Variants in TBL1X observed in about 807,000 individuals in gnomAD.
TBL1X encodes F-box-like/WD repeat-containing protein TBL1X.
TBL1X carries 10 observed loss-of-function variants against 50.7 expected under a neutral mutation model. The ratio of observed to expected loss-of-function variants is 0.20; its 90% CI spans 0.12 to 0.33. TBL1X has a LOEUF of 0.33. Ranked by LOEUF, TBL1X falls within the 10% of genes least tolerant of loss-of-function variation. TBL1X has a pLI of 1.00. For missense variants in TBL1X, 340 were observed against 504.4 expected, an observed-to-expected ratio of 0.67 and a Z score of 3.12; for synonymous variants, 190 against 214.7, an observed-to-expected ratio of 0.88 and a Z score of 1.01.
chrX:9,623,380 A>T (rs1265069841), intron 2 of TBL1X, among the ~76,000 whole-genome samples: 1 of 111,431 alleles, frequency 9.0e-6, no homozygotes, highest in Non-Finnish European at 1.9e-5. Flanking sequence ...GGGATTTGCT[A>T]TGGCCCTTCG....
At chrX:9,610,936 G>C (rs1238182547) in intron 2 of TBL1X, among the ~76,000 whole-genome samples, 1 of 112,060 alleles carries the variant, frequency 8.9e-6, no homozygotes, top group Non-Finnish European at 1.9e-5. Context: ...CTAGGTAGGA[G>C]TTGAGCCAAG....
chrX:9,488,694 T>G (rs896103463), intron 1 of TBL1X, among the ~76,000 whole-genome samples: 6 of 112,104 alleles, frequency 5.4e-5, no homozygotes, highest in Non-Finnish European at 1.1e-4. Context: ...AGGACAGACT[T>G]ACTTCCTTTG....
intron 5 of TBL1X, among the ~76,000 whole-genome samples, chrX:9,665,846 G>T (rs1281134899): frequency 9.1e-6 from 1 of 109,330 alleles, no homozygotes; most frequent in Non-Finnish European, 1.9e-5. Context: ...ACTTTGGGAG[G>T]TATCAGAAAT....
intron 1 of TBL1X, among the ~76,000 whole-genome samples, chrX:9,476,139 C>T (rs187258827): frequency 8.9e-6 from 1 of 112,080 alleles, no homozygotes; most frequent in Non-Finnish European, 1.9e-5. Flanking sequence ...AGAGGAGAAA[C>T]AGGAAGTAGA....
intron 2 of TBL1X, among the ~76,000 whole-genome samples, chrX:9,561,227 G>A (rs1193401708): frequency 8.9e-6 from 1 of 111,791 alleles, no homozygotes; most frequent in Non-Finnish European, 1.9e-5. Flanking sequence ...CATTATGAAG[G>A]CACCCATTTC....
At chrX:9,471,672 T>G (rs2081815768) in intron 1 of TBL1X, among the ~76,000 whole-genome samples, 1 of 111,629 alleles carries the variant, frequency 9.0e-6, no homozygotes, top group Non-Finnish European at 1.9e-5. Context: ...TCTGAGTGAT[T>G]CCGGGGAGTG....
At chrX:9,703,704 G>T (rs1274561311) in intron 12 of TBL1X, among the ~76,000 whole-genome samples, 1 of 112,127 alleles carries the variant, frequency 8.9e-6, no homozygotes, top group Non-Finnish European at 1.9e-5. Flanking sequence ...TCCCTGTCCC[G>T]GGCACTGCTG....
In TBL1X at chrX:9,605,729, A is replaced by G. The variant is rs771936130; in HGVS notation, c.-130-34544A>G. The stretch of plus-strand genomic sequence containing the variant: ...CCAGTAGACTAAGATTTTACTAAAA[A>G]CAGACTAATTTGTTGTGGCAAGACA... On this transcript the variant is annotated intron_variant, in intron 2 of 17. Transcript: ENST00000645353. Among the ~76,000 whole-genome samples, 5 of 112,594 alleles carry G rather than the reference A, an allele frequency of 4.4e-5. No homozygotes were observed. The South Asian group carries it at 1.8e-3, about 41-fold the overall frequency.
chrX:9,593,280 T>C (rs770479020), intron 2 of TBL1X, among the ~76,000 whole-genome samples: 1 of 108,409 alleles, frequency 9.2e-6, no homozygotes, highest in East Asian at 2.9e-4. Context: ...TGGGCGCCTA[T>C]AATCCCAGCC....
intron 7 of TBL1X, among the ~76,000 whole-genome samples, chrX:9,690,134 G>C (rs189781961): frequency 8.9e-6 from 1 of 112,300 alleles, no homozygotes; most frequent in East Asian, 2.8e-4. Context: ...CCTTTCTCAG[G>C]AGCATAAACC....
At chrX:9,507,855 T>C (rs2082034017) in intron 2 of TBL1X, among the ~76,000 whole-genome samples, 1 of 112,432 alleles carries the variant, frequency 8.9e-6, no homozygotes, top group Non-Finnish European at 1.9e-5. Flanking sequence ...GATCTCCTTA[T>C]TCAGTAAATG....
intron 5 of TBL1X, among the ~76,000 whole-genome samples, chrX:9,675,837 G>A (rs1381448671): frequency 9.4e-6 from 1 of 106,189 alleles, no homozygotes; most frequent in Non-Finnish European, 1.9e-5. Context: ...GTTGCAGTGA[G>A]CCGAGATCAT....
At chrX:9,596,628 G>A (rs950524289) in intron 2 of TBL1X, among the ~76,000 whole-genome samples, 9 of 111,284 alleles carry the variant, frequency 8.1e-5, no homozygotes, top group African/African-American at 2.0e-4. Context: ...GGTGACATCC[G>A]AACATGTCTA....
chrX:9,685,192 T>C (rs2083050084), intron 6 of TBL1X, among the ~76,000 whole-genome samples: 1 of 112,354 alleles, frequency 8.9e-6, no homozygotes, highest in Non-Finnish European at 1.9e-5. Flanking sequence ...TCACCCTCTC[T>C]TGTCCCCTCC....
intron 2 of TBL1X, among the ~76,000 whole-genome samples, chrX:9,508,006 G>C (rs1274516516): frequency 8.9e-6 from 1 of 112,210 alleles, no homozygotes; most frequent in Admixed American, 9.4e-5. Flanking sequence ...GATAACCTAA[G>C]CAATACCATT....
At chrX:9,711,921 G>A (rs781709637) in intron 16 of TBL1X, 145 bp downstream of exon 16, 105 of 594,536 alleles carry the variant, frequency 1.8e-4, no homozygotes, top group Non-Finnish European at 2.4e-4. Context: ...TGCTGTCCAC[G>A]TGCACCCCAC....
intron 2 of TBL1X, among the ~76,000 whole-genome samples, chrX:9,615,057 CTG>C (rs112243664): frequency 7.1e-4 from 79 of 111,879 alleles, no homozygotes; most frequent in African/African-American, 2.2e-3. Flanking sequence ...CACCGGGACT[CTG>C]GGATTGCTAG....
chrX:9,690,550 C>G (rs747129507), intron 7 of TBL1X, among the ~76,000 whole-genome samples: 3 of 112,035 alleles, frequency 2.7e-5, no homozygotes, highest in East Asian at 2.8e-4. Flanking sequence ...AAAGCCCTAT[C>G]TCCAAATACA....
At chrX:9,646,687 C>T (rs1358765462) in intron 3 of TBL1X, among the ~76,000 whole-genome samples, 2 of 112,008 alleles carry the variant, frequency 1.8e-5, no homozygotes, top group African/African-American at 3.2e-5. Context: ...CCAGCACAGA[C>T]GCCAACAGCC....
Sources: allele counts gnomAD v4.1 joint callset (sites outside exome capture counted in the v4.1 genomes callset), GRCh38; gene constraint gnomAD v4.1.1; transcripts MANE v1.5; gene names NCBI Gene and HGNC (gene_info 2026-07-23, HGNC 2026-07-21).